Variants in POLR1E observed in about 807,000 individuals in gnomAD.
The protein encoded by POLR1E is RNA polymerase I subunit E, also known as DNA-directed RNA polymerase I subunit RPA49.
POLR1E carries 37 observed loss-of-function variants against 50.9 expected under a neutral mutation model. That is an observed-to-expected ratio of 0.73 (90% confidence interval 0.56 to 0.96). The LOEUF is 0.96. Ranked by LOEUF, POLR1E falls within the 40% of genes least tolerant of loss-of-function variation. The probability of loss-of-function intolerance (pLI) is 0.00; values close to 1 mark genes in which losing one functional copy is unlikely to be tolerated. For synonymous variants in POLR1E, 166 were observed against 191.6 expected, an observed-to-expected ratio of 0.87 and a Z score of 1.10; for missense variants, 426 against 518.1, an observed-to-expected ratio of 0.82 and a Z score of 1.73.
intron 8 of POLR1E, among the ~76,000 whole-genome samples, chr9:37,496,918 C>G (rs1231162578): frequency 6.6e-6 from 1 of 152,156 alleles, no homozygotes; most frequent in Non-Finnish European, 1.5e-5. Context: ...TTAGCATTGA[C>G]TGAGCCTTAA....
intron 10 of POLR1E, 95 bp from the exon 11 acceptor site, chr9:37,501,618 C>T (rs948535708): frequency 7.0e-7 from 1 of 1,423,082 alleles, no homozygotes. Context: ...ACATTCCGTG[C>T]ATATGAGAAT....
chr9:37,490,308 G>A (rs1427390007), intron 4 of POLR1E: 3 of 460,844 alleles, frequency 6.5e-6, no homozygotes, highest in African/African-American at 4.0e-5. Flanking sequence ...AATGAACTAG[G>A]ACATAATTAA....
chr9:37,490,514 G>C (rs934327366), intron 4 of POLR1E: 7 of 796,316 alleles, frequency 8.8e-6, no homozygotes, highest in Non-Finnish European at 1.4e-5. Flanking sequence ...GAGCAGGCTG[G>C]CGCTTCAGTT....
At chr9:37,492,405 T>G (rs1174519378) in intron 4 of POLR1E, 2 of 1,054,516 alleles carry the variant, frequency 1.9e-6, no homozygotes, top group African/African-American at 3.2e-5. Flanking sequence ...GGCCTTCTGT[T>G]TTTTAATTTC....
intron 9 of POLR1E, among the ~76,000 whole-genome samples, chr9:37,498,934 C>T (rs1443312945): frequency 1.3e-5 from 2 of 152,126 alleles, no homozygotes; most frequent in Non-Finnish European, 2.9e-5. Flanking sequence ...ATTGTACAAA[C>T]ATCATAGAGT....
chr9:37,487,405 C>A (rs892714410), intron 2 of POLR1E, among the ~76,000 whole-genome samples: 1 of 152,250 alleles, frequency 6.6e-6, no homozygotes, highest in East Asian at 1.9e-4. Flanking sequence ...TGGCAGTCAA[C>A]GTTTGGTGTT....
At position 37,493,516 on chromosome 9, in the gene POLR1E, C is replaced by T. The variant is rs753719631; in HGVS notation, c.403-43C>T. The T allele has an allele frequency of 1.2e-4, 182 of 1,487,486 alleles. 1 individual carries two copies. The highest frequency in any genetic ancestry group is 5.4e-4 in the Middle Eastern group (3 of 5,596). The allele number at this position is 1,487,486 out of a possible 1,614,324, so 92.1% of individuals were successfully genotyped here. ...GTGACACAGCTAGGAGGGGCAGCAC[C>T]TACCTGTCCTGTCCCCAGTAACCAG... On this transcript the variant is annotated intron_variant, in intron 5 of 11. Coordinates refer to ENST00000377798, the MANE Select transcript of POLR1E (RefSeq NM_022490.4).
At chr9:37,489,444 G>T in intron 4 of POLR1E, 44 bp downstream of exon 4, 1 of 1,383,624 alleles carries the variant, frequency 7.2e-7, no homozygotes, top group South Asian at 1.4e-5. Context: ...TGCATAGTTT[G>T]GGTTTGCTGG....
intron 11 of POLR1E, among the ~76,000 whole-genome samples, chr9:37,502,783 C>T (rs943995351): frequency 3.3e-5 from 5 of 152,212 alleles, no homozygotes; most frequent in African/African-American, 7.2e-5. Context: ...GAAAGTTGCT[C>T]ACGGGGCTGT....
chr9:37,501,010 T>A (rs1820878754), intron 10 of POLR1E, 89 bp downstream of exon 10: 2 of 1,279,646 alleles, frequency 1.6e-6, no homozygotes, highest in Non-Finnish European at 2.2e-6. Context: ...CTCAATTCCA[T>A]GTCCACGGAG....
At chr9:37,496,661 C>A (rs1820792701) in intron 8 of POLR1E, among the ~76,000 whole-genome samples, 2 of 134,892 alleles carry the variant, frequency 1.5e-5, no homozygotes, top group South Asian at 2.3e-4. Context: ...GATTTATTTC[C>A]AAAAAAGAGC....
At chr9:37,496,619 A>C (rs1210975427) in intron 8 of POLR1E, among the ~76,000 whole-genome samples, 1,708 of 50,626 alleles carry the variant, frequency 0.034, 44 homozygotes, top group African/African-American at 0.13. Flanking sequence ...TATTATTATT[A>C]TTTCTTTTTT....
At chr9:37,498,864 T>A (rs1820828906) in intron 9 of POLR1E, among the ~76,000 whole-genome samples, 2 of 152,190 alleles carry the variant, frequency 1.3e-5, no homozygotes, top group African/African-American at 4.8e-5. Context: ...TTCAGTATAG[T>A]CATGTGTCGC....
chr9:37,486,564 C>T (rs906014500), intron 1 of POLR1E, 139 bp from the exon 2 acceptor site: 20 of 1,601,998 alleles, frequency 1.2e-5, no homozygotes, highest in Non-Finnish European at 1.7e-5. Context: ...CCTCCAGTTC[C>T]CTTTGGGTCA....
intron 8 of POLR1E, among the ~76,000 whole-genome samples, chr9:37,496,213 G>A (rs1045909755): frequency 2.0e-5 from 3 of 152,138 alleles, no homozygotes; most frequent in African/African-American, 7.2e-5. Context: ...CAGGGCAGAG[G>A]GTGGTGAGGC....
intron 4 of POLR1E, chr9:37,490,355 C>A: frequency 3.5e-6 from 2 of 566,022 alleles, no homozygotes; most frequent in East Asian, 3.2e-5. Flanking sequence ...GAGAGAACAC[C>A]ACACTTCTAC....
intron 2 of POLR1E, among the ~76,000 whole-genome samples, 161 bp downstream of exon 2, chr9:37,486,967 C>G (rs1361644010): frequency 1.3e-5 from 2 of 152,160 alleles, no homozygotes; most frequent in Non-Finnish European, 2.9e-5. Context: ...GGGACAGGCT[C>G]CATCTTTCAT....
At chr9:37,499,378 T>C (rs762175908) in intron 9 of POLR1E, among the ~76,000 whole-genome samples, 2 of 152,084 alleles carry the variant, frequency 1.3e-5, no homozygotes, top group Non-Finnish European at 2.9e-5. Context: ...TGAGCTATGA[T>C]TGCACCACTG....
In POLR1E at chr9:37,492,263, T is replaced by C. The variant is rs778357098; in HGVS notation, c.344-394T>C. The C allele has an allele frequency of 2.3e-6, 3 of 1,290,194 alleles. No individual in the cohort carries two copies. In the South Asian group the frequency reaches 3.7e-5, roughly 16 times the overall value. The allele number at this position is 1,290,194 out of a possible 1,614,324, so 79.9% of individuals were successfully genotyped here. Reference sequence around the variant, plus strand: ...GCATCGGTAAGTACCACATACCTCATGTTTATGCCTGCTTTTAGGTCTTTC... The same window carrying C: ...GCATCGGTAAGTACCACATACCTCACGTTTATGCCTGCTTTTAGGTCTTTC... On this transcript the variant is annotated intron_variant, in intron 4 of 11. Coordinates refer to ENST00000377798, the MANE Select transcript of POLR1E (RefSeq NM_022490.4).
Sources: allele counts gnomAD v4.1 joint callset (sites outside exome capture counted in the v4.1 genomes callset), GRCh38; gene constraint gnomAD v4.1.1; transcripts MANE v1.5; gene names NCBI Gene and HGNC (gene_info 2026-07-23, HGNC 2026-07-21).